KCNH8: variants seen among roughly 807,000 people sequenced by gnomAD.
KCNH8 encodes the protein potassium voltage-gated channel subfamily H member 8, also known as voltage-gated delayed rectifier potassium channel KCNH8.
In KCNH8, 70 loss-of-function variants were observed where a neutral mutation model predicts 103.6. That is an observed-to-expected ratio of 0.68 (90% CI 0.56 to 0.82). The LOEUF (loss-of-function observed/expected upper bound fraction) is 0.82. Among genes scored for constraint, KCNH8 ranks in the 40% least tolerant of loss-of-function variants. The pLI is 0.00. For missense variants in KCNH8, 1,217 were observed against 1,329.9 expected (o/e 0.92, Z 1.32); for synonymous variants, 498 against 489.4 (o/e 1.02, Z -0.23).
Position 19,148,679 on chromosome 3 carries a change from T to G in KCNH8, c.-41T>G, listed in dbSNP as rs771417236. ...GCACTTTCCTTTCGAACCATCCTTC[T>G]GGACAAACTTTGATGGAGAATTTCA... On this transcript the variant is annotated 5_prime_UTR_variant, in exon 1 of 16. Transcript: ENST00000328405. 1.3e-6 allele frequency: 2 copies of G among 1,595,364 alleles called. No homozygotes were observed. Among genetic ancestry groups the G allele is most frequent in the Non-Finnish European group, 1.7e-6 (2 of 1,162,662 alleles).
chr3:19,478,289 G>A (rs1043347409), intron 11 of KCNH8, among the ~76,000 whole-genome samples: 6 of 151,622 alleles, frequency 4.0e-5, no homozygotes, highest in African/African-American at 1.2e-4. Flanking sequence ...CTGCCCTCTC[G>A]GTGTATACCC....
At chr3:19,189,227 T>C (rs147897324) in intron 1 of KCNH8, among the ~76,000 whole-genome samples, 111 of 152,186 alleles carry the variant, frequency 7.3e-4, no homozygotes, top group African/African-American at 2.6e-3. Flanking sequence ...CTTGAACATA[T>C]TCAATGAATA....
At chr3:19,215,695 A>G (rs915140882) in intron 1 of KCNH8, among the ~76,000 whole-genome samples, 6 of 152,216 alleles carry the variant, frequency 3.9e-5, no homozygotes, top group African/African-American at 1.4e-4. Flanking sequence ...CAATTACTTG[A>G]CAGCCCACAA....
chr3:19,342,993 G>T (rs201432981), intron 4 of KCNH8, among the ~76,000 whole-genome samples: 1 of 151,994 alleles, frequency 6.6e-6, no homozygotes, highest in Non-Finnish European at 1.5e-5. Flanking sequence ...AAATGGGGAC[G>T]CACTGGTTAC....
chr3:19,335,028 A>C (rs1275817400), intron 3 of KCNH8, among the ~76,000 whole-genome samples: 1 of 151,846 alleles, frequency 6.6e-6, no homozygotes, highest in African/African-American at 2.4e-5. Context: ...AATGAGTTTA[A>C]ATTACCTTCA....
intron 1 of KCNH8, among the ~76,000 whole-genome samples, chr3:19,183,904 G>A (rs1171907268): frequency 2.0e-5 from 3 of 152,248 alleles, no homozygotes; most frequent in South Asian, 2.1e-4. Context: ...TATATGGCCA[G>A]TGTGTTTTTA....
intron 1 of KCNH8, among the ~76,000 whole-genome samples, chr3:19,246,274 GTTTTTTTT>G (rs920423108): frequency 4.6e-5 from 4 of 86,350 alleles, no homozygotes; most frequent in Admixed American, 2.6e-4. Flanking sequence ...TGTTGTTGTT[GTTTTTTTT>G]TTTTTTTTTT....
intron 5 of KCNH8, among the ~76,000 whole-genome samples, chr3:19,355,817 G>A (rs918424325): frequency 6.6e-6 from 1 of 151,782 alleles, no homozygotes; most frequent in Non-Finnish European, 1.5e-5. Flanking sequence ...CACCAACATG[G>A]CGCATGTATA....
intron 5 of KCNH8, among the ~76,000 whole-genome samples, chr3:19,384,652 A>T (rs2066333107): frequency 6.6e-6 from 1 of 152,174 alleles, no homozygotes; most frequent in Non-Finnish European, 1.5e-5. Context: ...AAAAATTTTA[A>T]ATTTTATAAC....
At chr3:19,171,510 G>A (rs768421704) in intron 1 of KCNH8, among the ~76,000 whole-genome samples, 1 of 152,056 alleles carries the variant, frequency 6.6e-6, no homozygotes, top group Non-Finnish European at 1.5e-5. Flanking sequence ...GATGAACATG[G>A]TGGAAGTATG....
intron 5 of KCNH8, among the ~76,000 whole-genome samples, chr3:19,378,005 T>G (rs1300446587): frequency 2.0e-5 from 3 of 152,190 alleles, no homozygotes; most frequent in Admixed American, 6.5e-5. Context: ...TTCTGGGTAG[T>G]CTATTGAAGG....
At chr3:19,468,872 T>C (rs1178173095) in intron 11 of KCNH8, among the ~76,000 whole-genome samples, 1 of 152,208 alleles carries the variant, frequency 6.6e-6, no homozygotes. Context: ...AAACATCTCT[T>C]GATGCCTATG....
chr3:19,387,078 A>G (rs1320626340), intron 5 of KCNH8, among the ~76,000 whole-genome samples: 2 of 152,166 alleles, frequency 1.3e-5, no homozygotes, highest in Non-Finnish European at 2.9e-5. Flanking sequence ...CCACCACCAC[A>G]TCCTCACCAC....
chr3:19,479,033 GAATT>G (rs758595772), intron 11 of KCNH8, among the ~76,000 whole-genome samples: 15 of 152,094 alleles, frequency 9.9e-5, no homozygotes, highest in African/African-American at 1.9e-4. Context: ...TCCTCTATCA[GAATT>G]AATATGTTTC....
At chr3:19,397,919 A>G (rs531510378) in intron 7 of KCNH8, among the ~76,000 whole-genome samples, 2 of 151,872 alleles carry the variant, frequency 1.3e-5, no homozygotes, top group Non-Finnish European at 2.9e-5. Flanking sequence ...ACCTAACTTT[A>G]TAATGAAGTA....
At chr3:19,395,351 T>A (rs752744597) in intron 7 of KCNH8, 40 bp downstream of exon 7, 49 of 1,416,324 alleles carry the variant, frequency 3.5e-5, no homozygotes, top group African/African-American at 5.8e-5. Flanking sequence ...TTTTTTAATT[T>A]AAAAAAAAAG....
intron 3 of KCNH8, among the ~76,000 whole-genome samples, chr3:19,341,301 C>G (rs1469017240): frequency 1.1e-4 from 17 of 152,070 alleles, no homozygotes; most frequent in Admixed American, 1.1e-3. Flanking sequence ...CCTAAGATCA[C>G]CAGCTCAGGT....
intron 11 of KCNH8, among the ~76,000 whole-genome samples, chr3:19,459,702 T>G (rs749928420): frequency 4.6e-5 from 7 of 152,120 alleles, no homozygotes; most frequent in Non-Finnish European, 8.8e-5. Context: ...CTTTCCCCTA[T>G]GTTTTCTTTT....
intron 1 of KCNH8, among the ~76,000 whole-genome samples, chr3:19,151,681 T>C (rs1162997152): frequency 6.6e-6 from 1 of 152,020 alleles, no homozygotes; most frequent in Non-Finnish European, 1.5e-5. Flanking sequence ...GGCAACATAA[T>C]GGAAGTTAAT....
Sources: gnomAD v4.1 joint callset for allele counts (sites outside exome capture counted in the v4.1 genomes callset) on GRCh38, gnomAD v4.1.1 for gene constraint, MANE v1.5 for transcripts, NCBI Gene and HGNC (gene_info 2026-07-23, HGNC 2026-07-21) for gene names.